The following MOV10L1 variants were observed in gnomAD, a reference collection of about 807,000 sequenced individuals.
MOV10L1 encodes the protein RNA helicase Mov10l1.
MOV10L1 carries 110 observed loss-of-function variants against 143.8 expected under a neutral mutation model. That is an observed-to-expected ratio of 0.76 (90% confidence interval 0.66 to 0.90). The LOEUF (loss-of-function observed/expected upper bound fraction) is 0.90. Ranked by LOEUF, MOV10L1 falls within the 40% of genes least tolerant of loss-of-function variation. MOV10L1 has a pLI of 0.00. For missense variants in MOV10L1, 1,406 were observed against 1,526.8 expected (o/e 0.92, Z 1.32); for synonymous variants, 593 against 581.1 (o/e 1.02, Z -0.29).
Position 50,108,111 on chromosome 22 carries a change from A to G in MOV10L1, c.443-25A>G, listed in dbSNP as rs746519491. The stretch of plus-strand genomic sequence containing the variant: ...ATAACTTGTGCACTTTAACACTACC[A>G]TGGCTTTTTTCCTGGCGGTTTTAGG... On this transcript the variant is annotated intron_variant, in intron 3 of 26. Coordinates refer to ENST00000262794, the MANE Select transcript of MOV10L1 (RefSeq NM_018995.3). 9 of 1,606,466 alleles carry G rather than the reference A, an allele frequency of 5.6e-6. No individual in the cohort carries two copies. The African/African-American group carries it at 8.0e-5, about 14-fold the overall frequency.
At chr22:50,142,870 G>A (rs11101949) in intron 16 of MOV10L1, among the ~76,000 whole-genome samples, 173 bp from the exon 17 acceptor site, 34,524 of 151,812 alleles carry the variant, frequency 0.23, 4,286 homozygotes, top group Admixed American at 0.35. Flanking sequence ...AGATTATTAA[G>A]AGGAATGCCC....
In MOV10L1 at chr22:50,150,881, C is replaced by A. The variant is rs1433414218; in HGVS notation, c.2874C>A (p.Gly958=). 1 of 1,614,016 alleles carries A rather than the reference C, an allele frequency of 6.2e-7. No individual in the cohort carries two copies. The highest frequency in any genetic ancestry group is 1.3e-5 in the African/African-American group (1 of 74,906). ...ACGAAAATGCTTTCGGTGCTTGTGG[C>A]GCACATAATCCCCTGTTGGTGAGTC... The part of the protein sequence containing the change: ...QRDENAFGAC[G]AHNPLLVTKL... The change falls in exon 21 of 27, where the codon GGC becomes GGA. Residue 958 remains glycine, a synonymous_variant. Transcript: ENST00000262794.
In MOV10L1 at chr22:50,150,865, C is replaced by G. The variant is rs2063280862; in HGVS notation, c.2858C>G (p.Ala953Gly). 1.2e-6 allele frequency: 2 copies of G among 1,614,206 alleles called. No homozygotes were observed. The highest frequency in any genetic ancestry group is 4.5e-5 in the East Asian group (2 of 44,886). Residue 953 changes from alanine to glycine, a missense_variant, in exon 21 of 27, where the codon GCT (alanine) becomes GGT (glycine). Physicochemically the swap from Ala to Gly is moderately conservative, Grantham distance 60 (BLOSUM62 0). Coordinates refer to ENST00000262794, the MANE Select transcript of MOV10L1 (RefSeq NM_018995.3). ...CCCGCGTACCAGAGGGACGAAAATG[C>G]TTTCGGTGCTTGTGGCGCACATAAT... Reference protein sequence around the residue: ...SRPAYQRDENAFGACGAHNPL... With the variant: ...SRPAYQRDENGFGACGAHNPL...
intron 19 of MOV10L1, chr22:50,147,041 A>G: frequency 6.5e-7 from 1 of 1,547,404 alleles, no homozygotes; most frequent in Non-Finnish European, 8.7e-7. Flanking sequence ...ATGTGTGTTG[A>G]TGAGTCAAAG....
chr22:50,098,862 TG>T (rs2062664810), intron 2 of MOV10L1, among the ~76,000 whole-genome samples: 1 of 152,190 alleles, frequency 6.6e-6, no homozygotes, highest in African/African-American at 2.4e-5. Context: ...CCTAGTTTAT[TG>T]AGTGTTTGCA....
Position 50,091,946 on chromosome 22 carries a change from TG to T in MOV10L1, c.98-54del. ...TCTGCCTTTCTCTGGTGGGGTTCAC[TG>T]TAGCGTACGCTTGCTTTTATGGCCA... On this transcript the variant is annotated intron_variant, in intron 1 of 26. Coordinates refer to ENST00000262794, the MANE Select transcript of MOV10L1 (RefSeq NM_018995.3). 3 of 1,547,226 alleles carry T rather than the reference TG, an allele frequency of 1.9e-6. No homozygotes were observed. The South Asian group carries it at 3.7e-5, about 19-fold the overall frequency.
At chr22:50,124,590 T>G (rs2062440768) in intron 10 of MOV10L1, among the ~76,000 whole-genome samples, 1 of 152,214 alleles carries the variant, frequency 6.6e-6, no homozygotes, top group Non-Finnish European at 1.5e-5. Flanking sequence ...CCTCCCACTT[T>G]CCAATTCCGG....
intron 10 of MOV10L1, 54 bp downstream of exon 10, chr22:50,120,670 T>G (rs2062313849): frequency 1.5e-6 from 2 of 1,294,798 alleles, no homozygotes; most frequent in Admixed American, 3.8e-5. Flanking sequence ...TGCTCTTGTT[T>G]TCTGACAAAG....
chr22:50,151,710 C>T (rs564669276), intron 21 of MOV10L1, among the ~76,000 whole-genome samples: 2 of 152,378 alleles, frequency 1.3e-5, no homozygotes, highest in East Asian at 1.9e-4. Flanking sequence ...TGCCGCTGTG[C>T]GCCTGTACCC....
chr22:50,134,139 A>C (rs1295019673), intron 14 of MOV10L1, 74 bp downstream of exon 14: 1 of 1,200,152 alleles, frequency 8.3e-7, no homozygotes, highest in Non-Finnish European at 1.2e-6. Context: ...AATTTTGTGT[A>C]AAATAGTCTC....
intron 13 of MOV10L1, among the ~76,000 whole-genome samples, chr22:50,131,063 ATT>A (rs3041370): frequency 0.35 from 45,071 of 128,146 alleles, 7,457 homozygotes; most frequent in East Asian, 0.56. Flanking sequence ...CGCCCGGCTA[ATT>A]TTTTTTTTTT....
intron 19 of MOV10L1, among the ~76,000 whole-genome samples, chr22:50,147,506 G>C (rs1043747453): frequency 2.7e-5 from 1 of 37,214 alleles, no homozygotes; most frequent in Non-Finnish European, 5.0e-5. Context: ...AAGCAGGGAG[G>C]GTGCTGCAGG....
intron 12 of MOV10L1, among the ~76,000 whole-genome samples, chr22:50,126,646 TC>T (rs2062515551): frequency 6.6e-6 from 1 of 152,152 alleles, no homozygotes; most frequent in African/African-American, 2.4e-5. Flanking sequence ...TTTGAGTAGA[TC>T]CTGGTGCTCC....
At position 50,134,003 on chromosome 22, in the gene MOV10L1, G is replaced by T. The variant is rs765507498; in HGVS notation, c.1911-4G>T. The T allele has an allele frequency of 1.2e-5, 20 of 1,610,100 alleles. 1 individual carries two copies. The Admixed American group carries it at 3.1e-4, about 25-fold the overall frequency. Reference sequence around the variant, plus strand: ...GTTATTTTATGTGGTTTTCTTTCCTGCAGGACCACAAGCAGACGGTGTCAC... The same window carrying T: ...GTTATTTTATGTGGTTTTCTTTCCTTCAGGACCACAAGCAGACGGTGTCAC... On this transcript the variant is annotated splice_polypyrimidine_tract_variant and splice_region_variant and intron_variant, in intron 13 of 26. Transcript: ENST00000262794.
chr22:50,144,413 G>C (rs1039754725), intron 18 of MOV10L1, among the ~76,000 whole-genome samples, 170 bp downstream of exon 18: 3 of 151,998 alleles, frequency 2.0e-5, no homozygotes, highest in African/African-American at 7.2e-5. Context: ...CTAAATGGTG[G>C]AGCTTGATTG....
chr22:50,107,843 C>T (rs2061914886), intron 3 of MOV10L1, among the ~76,000 whole-genome samples: 1 of 152,176 alleles, frequency 6.6e-6, no homozygotes. Flanking sequence ...AGGGGGATGC[C>T]ACCTGCCCTC....
chr22:50,114,428 G>T lies in MOV10L1; in HGVS notation c.932G>T (p.Gly311Val). The T allele has an allele frequency of 1.2e-6, 2 of 1,614,182 alleles. No homozygotes were observed. Among genetic ancestry groups the T allele is most frequent in the Non-Finnish European group, 1.7e-6 (2 of 1,180,028 alleles). The change falls in exon 7 of 27, where the codon GGC (glycine) becomes GTC (valine). Residue 311 changes from glycine to valine, a missense_variant. Physicochemically the swap from Gly to Val is moderately radical, Grantham distance 109 (BLOSUM62 -3). Around this residue, in one of 3 missense-constraint regions of MOV10L1, gnomAD observed 1,233 missense variants for 1,351.4 expected, o/e 0.91. Transcript: ENST00000262794. ...AACTTAGTCAGCTGTAAACTGGCTGGCTGGGATAAATCTAAACAATTCAGA... is the reference window on the plus strand; with the variant it reads ...AACTTAGTCAGCTGTAAACTGGCTGTCTGGGATAAATCTAAACAATTCAGA... ...PQNLVSCKLA[G>V]WDKSKQFRFQ...
intron 13 of MOV10L1, among the ~76,000 whole-genome samples, chr22:50,130,145 C>T (rs1401672824): frequency 6.6e-6 from 1 of 152,046 alleles, no homozygotes; most frequent in Admixed American, 6.6e-5. Flanking sequence ...CATGATGGCA[C>T]ATGCCTGCAG....
chr22:50,115,209 G>A lies in MOV10L1; in HGVS notation c.1222G>A (p.Gly408Arg). 6.5e-7 allele frequency: 1 copy of A among 1,545,646 alleles called. No homozygotes were observed. Among genetic ancestry groups the A allele is most frequent in the Non-Finnish European group, 8.6e-7 (1 of 1,156,340 alleles). The change falls in exon 8 of 27, where the codon GGG becomes AGG. Residue 408 changes from glycine to arginine, a missense_variant. Gly to Arg is a moderately radical substitution (Grantham distance 125, BLOSUM62 -2). This residue lies in a region of MOV10L1 where 1,233 missense variants were observed against 1,351.4 expected (regional missense o/e 0.91). Coordinates refer to ENST00000262794, the MANE Select transcript of MOV10L1 (RefSeq NM_018995.3). ...TGAGCCTGGGGGGCTTGTCCCTCCA[G>A]GGGGAAAAACCTTCATTGTGGTCAT... ...EPEPGGLVPP[G>R]GKTFIVVICD...
Sources: allele counts gnomAD v4.1 joint callset (sites outside exome capture counted in the v4.1 genomes callset), GRCh38; gene constraint gnomAD v4.1.1; regional missense constraint gnomAD v4.1.1; transcripts MANE v1.5; gene names NCBI Gene and HGNC (gene_info 2026-07-23, HGNC 2026-07-21).